The following ZNF668 variants were observed in gnomAD, a reference collection of about 807,000 sequenced individuals.
The protein encoded by ZNF668 is zinc finger protein 668.
ZNF668 carries 10 observed loss-of-function variants against 40.3 expected under a neutral mutation model. The ratio of observed to expected loss-of-function variants is 0.25; its 90% CI spans 0.15 to 0.42. The LOEUF (loss-of-function observed/expected upper bound fraction) is 0.42, where lower values mean the gene tolerates loss of function less well. Among genes scored for constraint, ZNF668 ranks in the 10% least tolerant of loss-of-function variants. The pLI is 1.00. For missense variants in ZNF668, 749 were observed against 904.6 expected, an observed-to-expected ratio of 0.83 and a Z score of 2.21; for synonymous variants, 428 against 384.6, an observed-to-expected ratio of 1.11 and a Z score of -1.32.
In ZNF668 at chr16:31,061,040, G is replaced by A. The variant is rs549580490; in HGVS notation, c.*28C>T. The A allele has an allele frequency of 1.0e-5, 15 of 1,454,010 alleles. No individual in the cohort carries two copies. The highest frequency in any genetic ancestry group is 1.0e-4 in the East Asian group (4 of 39,828). The allele number at this position is 1,454,010 out of a possible 1,614,324, so 90.1% of individuals were successfully genotyped here. A position where few individuals can be genotyped will look rare whatever the true frequency, so the allele number is the denominator to read the frequency against. ...AGCCCCCGATGGGGGCTGGGCTCCC[G>A]GAGTGTGGTGCTGGGGGGTCATGGG... On this transcript the variant is annotated 3_prime_UTR_variant, in exon 3 of 3. Transcript: ENST00000300849. This position sits in a 1 kb window ranked among gnomAD's most constrained non-coding sequence, Gnocchi z 7.7.
At chr16:31,064,857 G>T in intron 1 of ZNF668, 1 of 1,433,896 alleles carries the variant, frequency 7.0e-7, no homozygotes. Context: ...AGTGTACCCA[G>T]ACGTGGGCCT....
At chr16:31,073,369 C>CA (rs1004678116) in intron 1 of ZNF668, 9 of 152,280 alleles carry the variant, frequency 5.9e-5, no homozygotes, top group Non-Finnish European at 8.8e-5. Context: ...GACAAAAACC[C>CA]AAAACATGGC....
Position 31,061,458 on chromosome 16 carries a change from A to T in ZNF668, c.1470T>A (p.Gly490=). Residue 490 remains glycine, a synonymous_variant, in exon 3 of 3, where the codon GGT becomes GGA. Coordinates refer to ENST00000300849, the MANE Select transcript of ZNF668 (RefSeq NM_024706.5). This position sits in a 1 kb window ranked among gnomAD's most constrained non-coding sequence, Gnocchi z 7.7. ...CCAAGGGACCAGGAGCCTCCCGGAC[A>T]CCAGCATCTTGGCATTCCACATGCT... ...TVEHVECQDA[G]VREAPGPLEG... 6.2e-7 allele frequency: 1 copy of T among 1,613,678 alleles called. No individual in the cohort carries two copies. Among genetic ancestry groups the T allele is most frequent in the Non-Finnish European group, 8.5e-7 (1 of 1,179,966 alleles).
Position 31,061,626 on chromosome 16 carries a change from C to T in ZNF668, c.1302G>A (p.Leu434=). 6.2e-7 allele frequency: 1 copy of T among 1,611,466 alleles called. No homozygotes were observed. Among genetic ancestry groups the T allele is most frequent in the East Asian group, 2.2e-5 (1 of 44,876 alleles). Residue 434 remains leucine (L), a synonymous_variant, in exon 3 of 3, where the codon CTG becomes CTA. Transcript: ENST00000300849. This position sits in a 1 kb window ranked among gnomAD's most constrained non-coding sequence, Gnocchi z 7.7. ...PAQELVVGLA[L]PVGVAGESSA... ...AACTCTCACCTGCCACGCCCACAGGCAGCGCCAACCCCACCACCAGCTCCT... is the reference window on the plus strand; with the variant it reads ...AACTCTCACCTGCCACGCCCACAGGTAGCGCCAACCCCACCACCAGCTCCT...
chr16:31,067,387 G>A (rs912842836), intron 1 of ZNF668, among the ~76,000 whole-genome samples: 3 of 152,138 alleles, frequency 2.0e-5, no homozygotes, highest in Non-Finnish European at 4.4e-5. Flanking sequence ...AGGGAACCAA[G>A]GTCCAGAGAA....
chr16:31,063,972 G>T lies in ZNF668; in HGVS notation c.488C>A (p.Thr163Lys), dbSNP rs755501822. The change falls in exon 2 of 3, where the codon ACA becomes AAA. Residue 163 changes from threonine (T) to lysine (K), a missense_variant. Transcript: ENST00000300849. ...SKLKIHQRGH[T>K]GERPYACADC... is the part of the protein sequence containing the mutation. ...GGCGCAGGCGTAAGGCCGCTCGCCT[G>T]TGTGGCCACGCTGGTGGATCTTGAG... The T allele has an allele frequency of 1.9e-6, 3 of 1,610,274 alleles. No individual in the cohort carries two copies. Among genetic ancestry groups the T allele is most frequent in the Non-Finnish European group, 2.5e-6 (3 of 1,178,190 alleles).
At chr16:31,067,697 G>A (rs533029612) in intron 1 of ZNF668, among the ~76,000 whole-genome samples, 1 of 152,284 alleles carries the variant, frequency 6.6e-6, no homozygotes, top group South Asian at 2.1e-4. Context: ...CTGAGATAGG[G>A]ATTCTTGTCC....
At chr16:31,064,806 C>T in intron 1 of ZNF668, 3 of 1,464,430 alleles carry the variant, frequency 2.0e-6, no homozygotes, top group Non-Finnish European at 9.0e-7. Flanking sequence ...TCACCATCTT[C>T]CTTCTTCAGC....
In ZNF668 at chr16:31,066,701, C is replaced by CTCAA. The variant is rs148240339; in HGVS notation, c.-22-2224_-22-2221dup. ...CCTGGGAGACAGGGCAAGACACTGT[C>CTCAA]TCAATCAATCAATCAATCAATAATC... On this transcript the variant is annotated intron_variant, in intron 1 of 2. Coordinates refer to ENST00000300849, the MANE Select transcript of ZNF668 (RefSeq NM_024706.5). 1.5e-3 allele frequency among the ~76,000 whole-genome samples: 227 copies of CTCAA among 150,358 alleles called. 2 individuals are homozygous for CTCAA. Among genetic ancestry groups the CTCAA allele is most frequent in the Middle Eastern group, 0.014 (4 of 278 alleles).
chr16:31,070,985 C>A (rs1217558646), intron 1 of ZNF668, among the ~76,000 whole-genome samples: 5 of 151,860 alleles, frequency 3.3e-5, no homozygotes, highest in Non-Finnish European at 7.4e-5. Flanking sequence ...CCTCAGCCTC[C>A]CAAGTATTTG....
chr16:31,066,544 G>GT (rs2056982776), intron 1 of ZNF668, among the ~76,000 whole-genome samples: 1 of 151,830 alleles, frequency 6.6e-6, no homozygotes, highest in African/African-American at 2.4e-5. Flanking sequence ...GCAACCTGGT[G>GT]AGACCCCATC....
intron 1 of ZNF668, 185 bp from the exon 2 acceptor site, chr16:31,064,666 AC>A: frequency 6.5e-7 from 1 of 1,536,122 alleles, no homozygotes. Context: ...AAGGAGTTGG[AC>A]CAAGTGTCCG....
chr16:31,064,041 A>C lies in ZNF668; in HGVS notation c.419T>G (p.Phe140Cys), dbSNP rs1389406351. Reference protein sequence around the residue: ...HLASHAGELPFRCAHCPKAYG... With the variant: ...HLASHAGELPCRCAHCPKAYG... ...GGCCTTCGGGCAGTGCGCACAGCGG[A>C]AGGGCAGTTCGCCAGCGTGCGAGGC... Residue 140 changes from phenylalanine (F) to cysteine (C), a missense_variant, in exon 2 of 3, where the codon TTC becomes TGC. This residue lies in a region of ZNF668 where 151 missense variants were observed against 178.6 expected (regional missense o/e 0.85). Transcript: ENST00000300849. 5 of 1,605,126 alleles carry C rather than the reference A, an allele frequency of 3.1e-6. No individual in the cohort carries two copies. Among genetic ancestry groups the C allele is most frequent in the Non-Finnish European group, 4.3e-6 (5 of 1,174,354 alleles).
intron 1 of ZNF668, among the ~76,000 whole-genome samples, chr16:31,069,508 C>T (rs561279677): frequency 9.6e-4 from 146 of 152,216 alleles, no homozygotes; most frequent in African/African-American, 3.5e-3. Context: ...TCCCAGTCAC[C>T]TCCTCAAAAA....
At position 31,060,990 on chromosome 16, in the gene ZNF668, G is replaced by A. The variant is rs1012267444; in HGVS notation, c.*78C>T. 3.6e-6 allele frequency: 5 copies of A among 1,397,428 alleles called. No individual in the cohort carries two copies. In the African/African-American group the frequency reaches 4.4e-5, roughly 12 times the overall value. The allele number at this position is 1,397,428 out of a possible 1,614,324, so 86.6% of individuals were successfully genotyped here. ...GTAGGGATCTGGAGTCTAAAGAGCA[G>A]AGCCAGGCAAAAGGAGGTACAGGAA... On this transcript the variant is annotated 3_prime_UTR_variant, in exon 3 of 3. Transcript: ENST00000300849.
Position 31,061,797 on chromosome 16 carries a change from G to A in ZNF668, c.1131C>T (p.Ala377=). The A allele has an allele frequency of 6.2e-7, 1 of 1,611,966 alleles. No homozygotes were observed. Among genetic ancestry groups the A allele is most frequent in the Non-Finnish European group, 8.5e-7 (1 of 1,179,636 alleles). ...EECGRAFAER[A]SLTKHSRVHS... is the part of the protein sequence containing the mutation. The stretch of plus-strand genomic sequence containing the variant: ...GCACCCGGCTATGCTTCGTGAGGCT[G>A]GCACGCTCGGCGAAGGCTCGCCCGC... Residue 377 remains alanine (A), a synonymous_variant, in exon 3 of 3, where the codon GCC becomes GCT. Transcript: ENST00000300849. The surrounding 1 kb of genome is among the most constrained non-coding windows in gnomAD (Gnocchi z 7.7).
chr16:31,071,725 G>A (rs1329910310), intron 1 of ZNF668, among the ~76,000 whole-genome samples: 1 of 152,194 alleles, frequency 6.6e-6, no homozygotes, highest in East Asian at 1.9e-4. Flanking sequence ...AAAGTGCTGT[G>A]ATTACAGGCA....
intron 1 of ZNF668, chr16:31,066,152 C>G: frequency 1.0e-6 from 1 of 985,454 alleles, no homozygotes; most frequent in Non-Finnish European, 1.2e-6. Flanking sequence ...CTCCCCAACC[C>G]CATGCAGCCG....
At chr16:31,064,654 GAA>G in intron 1 of ZNF668, 173 bp from the exon 2 acceptor site, 1 of 1,536,288 alleles carries the variant, frequency 6.5e-7, no homozygotes, top group South Asian at 1.2e-5. Context: ...GCTCATTGAA[GAA>G]AGGAGTTGGA....
Sources: allele counts gnomAD v4.1 joint callset (sites outside exome capture counted in the v4.1 genomes callset), GRCh38; gene constraint gnomAD v4.1.1; regional missense constraint gnomAD v4.1.1; non-coding constraint Gnocchi (gnomAD v3.1); transcripts MANE v1.5; gene names NCBI Gene and HGNC (gene_info 2026-07-23, HGNC 2026-07-21).